CACNA1A: variants seen among roughly 807,000 people sequenced by gnomAD.
The protein encoded by CACNA1A is calcium voltage-gated channel subunit alpha1 A.
A neutral mutation model predicts 262.4 loss-of-function variants in CACNA1A; 57 were observed. The ratio of observed to expected loss-of-function variants is 0.22; its 90% confidence interval spans 0.18 to 0.27. CACNA1A has a LOEUF of 0.27. Among genes scored for constraint, CACNA1A ranks in the 10% least tolerant of loss-of-function variants. CACNA1A has a pLI of 1.00. For missense variants in CACNA1A, 2,526 were observed against 3,562.8 expected (o/e 0.71, Z 7.41); for synonymous variants, 1,431 against 1,419.3 (o/e 1.01, Z -0.18).
intron 28 of CACNA1A, 60 bp from the exon 29 acceptor site, chr19:13,255,319 G>A (rs937006699): frequency 2.6e-5 from 38 of 1,469,004 alleles, no homozygotes; most frequent in African/African-American, 9.8e-5. Context: ...GCTGTACACC[G>A]GGCACCCTCT....
chr19:13,210,601 C>A lies in CACNA1A; in HGVS notation c.6339+16G>T. The A allele has an allele frequency of 6.4e-7, 1 of 1,559,044 alleles. No homozygotes were observed. Among genetic ancestry groups the A allele is most frequent in the Non-Finnish European group, 8.7e-7 (1 of 1,152,528 alleles). On this transcript the variant is annotated intron_variant, in intron 44 of 46. Transcript: ENST00000360228. ...GGCCGGAGCCCTGCTGGGCGCTGGG[C>A]AGGCGCGGTACATACACTGAGGTTA...
intron 1 of CACNA1A, among the ~76,000 whole-genome samples, chr19:13,492,340 C>T (rs912077175): frequency 4.4e-4 from 67 of 152,136 alleles, no homozygotes; most frequent in African/African-American, 1.6e-3. Context: ...AAGAAATGCA[C>T]AGGATACCAC....
At position 13,497,561 on chromosome 19, in the gene CACNA1A, T is replaced by A. The variant is rs1323204186; in HGVS notation, c.293+8371A>T. The stretch of plus-strand genomic sequence containing the variant: ...ATATATATATATATATATATATATA[T>A]ATATATATATATATATATAAATTTA... On this transcript the variant is annotated intron_variant, in intron 1 of 46. Transcript: ENST00000360228. Among the ~76,000 whole-genome samples, 15 of 34,084 alleles carry A rather than the reference T, an allele frequency of 4.4e-4. 2 individuals carry two copies. Among genetic ancestry groups the A allele is most frequent in the African/African-American group, 5.9e-4 (5 of 8,496 alleles). 22.4% of individuals were successfully genotyped at this position (34,084 alleles called of 152,430 possible).
intron 24 of CACNA1A, among the ~76,000 whole-genome samples, chr19:13,264,082 G>C (rs1568474492): frequency 2.0e-5 from 3 of 152,172 alleles, no homozygotes; most frequent in Admixed American, 1.3e-4. Context: ...CTGCACAGAA[G>C]TTCAGTCCAA....
Position 13,324,960 on chromosome 19 carries a change from CT to C in CACNA1A, c.1345+5283del, listed in dbSNP as rs201973338. On this transcript the variant is annotated intron_variant, in intron 10 of 46. Coordinates refer to ENST00000360228, the MANE Select transcript of CACNA1A (RefSeq NM_001127222.2). ...GCAGCTTCCATTCATAATGGATCAA[CT>C]TTTTTTTGTTTTGTTTTCATATGCT... Among the ~76,000 whole-genome samples, 68 of 152,000 alleles carry C rather than the reference CT, an allele frequency of 4.5e-4. No individual in the cohort carries two copies. The East Asian group carries it at 0.011, about 26-fold the overall frequency.
At chr19:13,284,300 G>T (rs906213313) in intron 21 of CACNA1A, 2 of 152,182 alleles carry the variant, frequency 1.3e-5, no homozygotes, top group Admixed American at 6.5e-5. Flanking sequence ...TACCACATAA[G>T]TGTTTCCTTA....
Position 13,299,135 on chromosome 19 carries a change from T to C in CACNA1A, c.2498A>G (p.Asn833Ser). ...LVVDPQENRN[N>S]NTNKSRAAEP... is the part of the protein sequence containing the mutation. ...GGCCGCCCGGCTCTTGTTGGTGTTG[T>C]TGTTGCGGTTCTCCTGCGGGTCCAC... The change falls in exon 19 of 47, where the codon AAC becomes AGC. Residue 833 changes from asparagine to serine, a missense_variant. Around this residue, in one of 17 missense-constraint regions of CACNA1A, gnomAD observed 765 missense variants for 748.6 expected, o/e 1.02. Transcript: ENST00000360228. The C allele has an allele frequency of 6.2e-7, 1 of 1,613,264 alleles. No homozygotes were observed. Among genetic ancestry groups the C allele is most frequent in the East Asian group, 2.2e-5 (1 of 44,858 alleles).
At chr19:13,341,288 G>C (rs975515831) in intron 6 of CACNA1A, among the ~76,000 whole-genome samples, 30 of 152,074 alleles carry the variant, frequency 2.0e-4, no homozygotes, top group African/African-American at 7.0e-4. Context: ...AGTCTCAGGA[G>C]GCACCATGGC....
chr19:13,446,249 C>CG (rs1435101796), intron 3 of CACNA1A, among the ~76,000 whole-genome samples: 3 of 98,618 alleles, frequency 3.0e-5, no homozygotes, highest in East Asian at 8.5e-4. Flanking sequence ...CACTCTGTCC[C>CG]GAAAAAAAAA....
At chr19:13,238,032 G>T (rs1317904812) in intron 31 of CACNA1A, among the ~76,000 whole-genome samples, 1 of 152,192 alleles carries the variant, frequency 6.6e-6, no homozygotes, top group African/African-American at 2.4e-5. Flanking sequence ...CAGAAAACAT[G>T]CTTCCCTTCT....
intron 6 of CACNA1A, among the ~76,000 whole-genome samples, chr19:13,343,270 G>T (rs567641774): frequency 6.6e-6 from 1 of 151,794 alleles, no homozygotes; most frequent in African/African-American, 2.4e-5. Context: ...ACAGGTGCCC[G>T]CCACCACACC....
intron 2 of CACNA1A, among the ~76,000 whole-genome samples, chr19:13,454,255 T>C (rs2060965409): frequency 6.6e-6 from 1 of 151,600 alleles, no homozygotes; most frequent in East Asian, 2.0e-4. Context: ...TTGGTCTTTC[T>C]GGTGACCAGT....
At position 13,391,169 on chromosome 19, in the gene CACNA1A, G is replaced by A. The variant is rs367787569; in HGVS notation, c.540-19390C>T. Among the ~76,000 whole-genome samples the A allele has an allele frequency of 5.1e-4, 77 of 152,304 alleles. 1 individual carries two copies. The East Asian group carries it at 9.4e-3, about 19-fold the overall frequency. ...CAAAGTGCTGGGATTACAGGCGTGAGCCACCGCACCTGGCCCCAATTGCAT... is the reference window on the plus strand; with the variant it reads ...CAAAGTGCTGGGATTACAGGCGTGAACCACCGCACCTGGCCCCAATTGCAT... On this transcript the variant is annotated intron_variant, in intron 3 of 46. Coordinates refer to ENST00000360228, the MANE Select transcript of CACNA1A (RefSeq NM_001127222.2).
chr19:13,432,070 A>ACT (rs2060515557), intron 3 of CACNA1A, among the ~76,000 whole-genome samples: 2 of 139,102 alleles, frequency 1.4e-5, no homozygotes, highest in African/African-American at 5.6e-5. Flanking sequence ...ATGCCACTGC[A>ACT]CTCCAGCCTA....
At chr19:13,335,338 G>C (rs532960219) in intron 7 of CACNA1A, among the ~76,000 whole-genome samples, 2 of 152,234 alleles carry the variant, frequency 1.3e-5, no homozygotes, top group East Asian at 3.9e-4. Flanking sequence ...GGAAGCCTCT[G>C]GTAAAGATGT....
chr19:13,237,079 G>A lies in CACNA1A; in HGVS notation c.4951-1349C>T, dbSNP rs142345155. Among the ~76,000 whole-genome samples, 764 of 152,236 alleles carry A rather than the reference G, an allele frequency of 5.0e-3. 5 individuals are homozygous for A. Among genetic ancestry groups the A allele is most frequent in the African/African-American group, 0.018 (747 of 41,530 alleles). On this transcript the variant is annotated intron_variant, in intron 31 of 46. Transcript: ENST00000360228. Reference sequence around the variant, plus strand: ...TTTCTGGCAACCCCAGGCCTGCTGCGATTGCTCCCTGGAAGCAGGCCACAT... The same window carrying A: ...TTTCTGGCAACCCCAGGCCTGCTGCAATTGCTCCCTGGAAGCAGGCCACAT...
At chr19:13,263,014 C>G (rs1018742976) in intron 24 of CACNA1A, 181 bp from the exon 25 acceptor site, 1 of 596,712 alleles carries the variant, frequency 1.7e-6, no homozygotes, top group African/African-American at 1.9e-5. Context: ...AGCTTGGGCT[C>G]GGGAGCCAGT....
rs1053877358 is a variant in CACNA1A, at chr19:13,457,080, T to C, written c.294-1868A>G. 4.0e-5 allele frequency among the ~76,000 whole-genome samples: 6 copies of C among 151,856 alleles called. 1 individual carries two copies. The highest frequency in any genetic ancestry group is 1.5e-4 in the African/African-American group (6 of 41,338). On this transcript the variant is annotated intron_variant, in intron 1 of 46. Coordinates refer to ENST00000360228, the MANE Select transcript of CACNA1A (RefSeq NM_001127222.2). The stretch of plus-strand genomic sequence containing the variant: ...GCCTAGGCAACAAACTGAGACTCTA[T>C]CTCTACAAAAAATATGAAAAATTAG...
intron 22 of CACNA1A, among the ~76,000 whole-genome samples, chr19:13,283,062 T>C (rs1430704134): frequency 2.0e-5 from 3 of 152,146 alleles, no homozygotes; most frequent in Non-Finnish European, 4.4e-5. Context: ...CCCACCAGGC[T>C]CACAGAGAAA....
Sources: allele counts gnomAD v4.1 joint callset (sites outside exome capture counted in the v4.1 genomes callset), GRCh38; gene constraint gnomAD v4.1.1; regional missense constraint gnomAD v4.1.1; transcripts MANE v1.5; gene names NCBI Gene and HGNC (gene_info 2026-07-23, HGNC 2026-07-21).